Variants in ZBTB46 observed in about 807,000 individuals in gnomAD.
The protein encoded by ZBTB46 is zinc finger and BTB domain-containing protein 46.
Under a neutral mutation model 44.1 loss-of-function variants are expected in ZBTB46, and 8 were observed. The ratio of observed to expected loss-of-function variants is 0.18; its 90% confidence interval spans 0.11 to 0.33. The LOEUF (loss-of-function observed/expected upper bound fraction) is 0.33, where lower values mean the gene tolerates loss of function less well. Ranked by LOEUF, ZBTB46 falls within the 10% of genes least tolerant of loss-of-function variation. The pLI, the probability that ZBTB46 is intolerant of heterozygous loss-of-function variation, is 1.00. For missense variants in ZBTB46, 651 were observed against 847.7 expected, an observed-to-expected ratio of 0.77 and a Z score of 2.88; for synonymous variants, 409 against 382.3, an observed-to-expected ratio of 1.07 and a Z score of -0.81.
intron 1 of ZBTB46, among the ~76,000 whole-genome samples, chr20:63,804,180 C>T (rs1417235440): frequency 1.3e-5 from 2 of 152,166 alleles, no homozygotes; most frequent in Non-Finnish European, 2.9e-5. Context: ...CCTCAGCATC[C>T]CTCCAGCTCC....
intron 4 of ZBTB46, among the ~76,000 whole-genome samples, chr20:63,751,800 CG>C (rs1181392581): frequency 9.7e-5 from 14 of 144,776 alleles, no homozygotes; most frequent in African/African-American, 3.6e-4. Flanking sequence ...GCCCCGCCCC[CG>C]GTGGGTCTCC....
rs1477337112 is a variant in ZBTB46 at position 63,803,340 on chromosome 20, T to C, written c.-33-12550A>G. 2.0e-6 allele frequency: 2 copies of C among 985,340 alleles called. No homozygotes were observed. The highest frequency in any genetic ancestry group is 1.7e-5 in the African/African-American group (1 of 57,246). 61.0% of individuals were successfully genotyped at this position (985,340 alleles called of 1,614,324 possible). ...AATTTCATATACATCATATTACCAT[T>C]GTTCGTGGTCGCATTTCAAAATTTT... On this transcript the variant is annotated intron_variant, in intron 1 of 4. Transcript: ENST00000245663. The surrounding 1 kb of genome is among the most constrained non-coding windows in gnomAD (Gnocchi z 4.0).
At chr20:63,815,504 TG>T (rs2092745218) in intron 1 of ZBTB46, among the ~76,000 whole-genome samples, 1 of 129,758 alleles carries the variant, frequency 7.7e-6, no homozygotes, top group African/African-American at 3.1e-5. Flanking sequence ...TGGGCACAGG[TG>T]CAGTGAGTGC....
chr20:63,815,824 AGTGCAGGTGAGCACAG>A (rs924772528), intron 1 of ZBTB46, among the ~76,000 whole-genome samples: 1 of 126,918 alleles, frequency 7.9e-6, no homozygotes, highest in Non-Finnish European at 1.6e-5. Context: ...AGGTGCAGTG[AGTGCAGGTGAGCACAG>A]GTGCAGTGAG....
chr20:63,766,013 C>T (rs1171481056), intron 3 of ZBTB46, among the ~76,000 whole-genome samples: 1 of 152,102 alleles, frequency 6.6e-6, no homozygotes, highest in African/African-American at 2.4e-5. Flanking sequence ...CCACCTGCTG[C>T]CCACCCTGGA....
intron 1 of ZBTB46, among the ~76,000 whole-genome samples, chr20:63,808,976 C>CAAAAAAA (rs1157399042): frequency 3.3e-4 from 25 of 75,044 alleles, no homozygotes; most frequent in East Asian, 5.9e-4. Flanking sequence ...GACTCCGCTT[C>CAAAAAAA]AAAAAAAAAA....
In ZBTB46 at chr20:63,803,963, C is replaced by T. The variant is rs1470614925; in HGVS notation, c.-33-13173G>A. On this transcript the variant is annotated intron_variant, in intron 1 of 4. Coordinates refer to ENST00000245663, the MANE Select transcript of ZBTB46 (RefSeq NM_001369741.1). The surrounding 1 kb of genome is among the most constrained non-coding windows in gnomAD (Gnocchi z 4.0). ...AACCTGCCGCCCTGGCTTCTCAAAG[C>T]GCTGGGATGATAGGCGTGAGCCACT... is the stretch of plus-strand genomic sequence containing the variant. Among the ~76,000 whole-genome samples, 2 of 152,208 alleles carry T rather than the reference C, an allele frequency of 1.3e-5. No homozygotes were observed. The highest frequency in any genetic ancestry group is 1.9e-4 in the East Asian group (1 of 5,196).
intron 2 of ZBTB46, among the ~76,000 whole-genome samples, chr20:63,789,572 T>G (rs566492463): frequency 3.9e-5 from 6 of 152,306 alleles, no homozygotes; most frequent in Non-Finnish European, 8.8e-5. Context: ...AGCCCCCGTG[T>G]GTGGGTGACA....
chr20:63,818,843 G>T (rs539432614), intron 1 of ZBTB46, among the ~76,000 whole-genome samples: 18 of 139,198 alleles, frequency 1.3e-4, no homozygotes, highest in African/African-American at 5.0e-4. Context: ...CTGCACTCCA[G>T]CCTGGGTGAA....
rs192002013 is a variant in ZBTB46, at chr20:63,794,294, C to T, written c.-33-3504G>A. Among the ~76,000 whole-genome samples the T allele has an allele frequency of 4.5e-4, 68 of 152,206 alleles. No individual in the cohort carries two copies. In the East Asian group the frequency reaches 8.7e-3, roughly 19 times the overall value. Reference sequence around the variant, plus strand: ...GCAGCCTCCAACTCCTGGGCTCAAGCAATCCTCTTGCCTCAGCCACCCAAG... The same window carrying T: ...GCAGCCTCCAACTCCTGGGCTCAAGTAATCCTCTTGCCTCAGCCACCCAAG... On this transcript the variant is annotated intron_variant, in intron 1 of 4. Coordinates refer to ENST00000245663, the MANE Select transcript of ZBTB46 (RefSeq NM_001369741.1).
At chr20:63,753,095 G>C (rs944915128) in intron 3 of ZBTB46, among the ~76,000 whole-genome samples, 1 of 152,192 alleles carries the variant, frequency 6.6e-6, no homozygotes, top group African/African-American at 2.4e-5. Flanking sequence ...AGGGAGCTCA[G>C]GAGCCCCAGC....
chr20:63,754,014 C>G (rs747488628), intron 3 of ZBTB46, among the ~76,000 whole-genome samples: 1 of 152,212 alleles, frequency 6.6e-6, no homozygotes, highest in Non-Finnish European at 1.5e-5. Flanking sequence ...AGGCACACCC[C>G]CATGACAAGG....
intron 1 of ZBTB46, among the ~76,000 whole-genome samples, chr20:63,795,254 CACA>C (rs572317184): frequency 7.1e-4 from 108 of 152,312 alleles, no homozygotes; most frequent in African/African-American, 2.6e-3. Context: ...CTCTGGTGAC[CACA>C]ACAACCTGAA....
At chr20:63,816,214 G>A (rs1433319748) in intron 1 of ZBTB46, 1 of 238,370 alleles carries the variant, frequency 4.2e-6, no homozygotes, top group South Asian at 3.9e-5. Flanking sequence ...AGGCAAAGGG[G>A]GTGCCCAGAG....
chr20:63,775,673 C>T lies in ZBTB46; in HGVS notation c.1222+5G>A. On this transcript the variant is annotated splice_donor_5th_base_variant and intron_variant, in intron 3 of 4. Transcript: ENST00000245663. The stretch of plus-strand genomic sequence containing the variant: ...AGCCAAGCGGCCCCCAGGGCCTGCA[C>T]TTACGGGACAGCGAGTGGGCCCCTC... 1 of 1,561,680 alleles carries T rather than the reference C, an allele frequency of 6.4e-7. No individual in the cohort carries two copies. The highest frequency in any genetic ancestry group is 8.7e-7 in the Non-Finnish European group (1 of 1,152,778).
chr20:63,749,020 C>A (rs2092132985), intron 4 of ZBTB46, among the ~76,000 whole-genome samples: 1 of 152,258 alleles, frequency 6.6e-6, no homozygotes, highest in Admixed American at 6.5e-5. Flanking sequence ...CGACAGGCCA[C>A]CCAGCACGGC....
At chr20:63,757,450 T>C (rs565106351) in intron 3 of ZBTB46, among the ~76,000 whole-genome samples, 13 of 152,254 alleles carry the variant, frequency 8.5e-5, no homozygotes, top group African/African-American at 3.1e-4. Context: ...TCCATGTCAA[T>C]GTCCAGTCAC....
In ZBTB46 at chr20:63,825,093, C is replaced by A. The variant is rs570449355; in HGVS notation, c.-34+6004G>T. On this transcript the variant is annotated intron_variant, in intron 1 of 4. Transcript: ENST00000245663. ...CCCCATCTTCCCATCACTGCACCCCCATCTCACCATCATCAAACCCTTCCT... is the reference window on the plus strand; with the variant it reads ...CCCCATCTTCCCATCACTGCACCCCAATCTCACCATCATCAAACCCTTCCT... Among the ~76,000 whole-genome samples the A allele has an allele frequency of 2.0e-5, 3 of 147,368 alleles. 1 individual carries two copies. In the East Asian group the frequency reaches 6.1e-4, roughly 30 times the overall value.
At chr20:63,788,866 G>A (rs1482456133) in intron 2 of ZBTB46, among the ~76,000 whole-genome samples, 1 of 145,160 alleles carries the variant, frequency 6.9e-6, no homozygotes, top group Non-Finnish European at 1.5e-5. Context: ...ATGGAGTTTC[G>A]CTCTTGTTGC....
Sources: allele counts gnomAD v4.1 joint callset (sites outside exome capture counted in the v4.1 genomes callset), GRCh38; gene constraint gnomAD v4.1.1; non-coding constraint Gnocchi (gnomAD v3.1); transcripts MANE v1.5; gene names NCBI Gene and HGNC (gene_info 2026-07-23, HGNC 2026-07-21).